The following ZNF804A variants were observed in gnomAD, a reference collection of about 807,000 sequenced individuals.
ZNF804A encodes zinc finger protein 804A.
Under a neutral mutation model 16.5 loss-of-function variants are expected in ZNF804A, and 2 were observed. That is an observed-to-expected ratio of 0.12 (90% CI 0.05 to 0.38). ZNF804A has a LOEUF of 0.38. ZNF804A is among the 10% of genes least tolerant of loss of function. ZNF804A has a pLI of 0.99. For synonymous variants in ZNF804A, 534 were observed against 489.6 expected, an observed-to-expected ratio of 1.09 and a Z score of -1.20; for missense variants, 1,473 against 1,390.7, an observed-to-expected ratio of 1.06 and a Z score of -0.94.
intron 1 of ZNF804A, among the ~76,000 whole-genome samples, chr2:184,847,455 T>C (rs1042940127): frequency 2.6e-5 from 4 of 152,024 alleles, no homozygotes; most frequent in Non-Finnish European, 5.9e-5. Flanking sequence ...AACCTGACCT[T>C]TCAGAGCAGA....
At chr2:184,887,351 G>A (rs1326558582) in intron 2 of ZNF804A, among the ~76,000 whole-genome samples, 1 of 152,202 alleles carries the variant, frequency 6.6e-6, no homozygotes, top group African/African-American at 2.4e-5. Context: ...CCTCAAGGAA[G>A]TTCCAAACTT....
chr2:184,929,809 C>T (rs997439137), intron 2 of ZNF804A, among the ~76,000 whole-genome samples: 1 of 152,098 alleles, frequency 6.6e-6, no homozygotes, highest in African/African-American at 2.4e-5. Context: ...ACACTCTCAT[C>T]CCCAACATCC....
intron 2 of ZNF804A, among the ~76,000 whole-genome samples, chr2:184,887,062 A>G (rs762767822): frequency 1.3e-5 from 2 of 152,204 alleles, no homozygotes; most frequent in Admixed American, 1.3e-4. Flanking sequence ...TGCTTCCCTT[A>G]TAAAACTTAA....
intron 1 of ZNF804A, among the ~76,000 whole-genome samples, chr2:184,819,817 G>C (rs570748981): frequency 6.6e-6 from 1 of 152,096 alleles, no homozygotes; most frequent in South Asian, 2.1e-4. Context: ...AGAAAATCTA[G>C]AAGAAATTGA....
intron 1 of ZNF804A, among the ~76,000 whole-genome samples, chr2:184,788,542 C>G (rs1026167914): frequency 1.3e-5 from 2 of 151,786 alleles, no homozygotes; most frequent in African/African-American, 4.8e-5. Context: ...TTGTAGATAT[C>G]GTTCATCTCC....
At chr2:184,628,140 C>A (rs1014684579) in intron 1 of ZNF804A, among the ~76,000 whole-genome samples, 4 of 152,062 alleles carry the variant, frequency 2.6e-5, no homozygotes, top group African/African-American at 7.2e-5. Flanking sequence ...CATGGAGAAA[C>A]CCTGTCTCTA....
chr2:184,765,095 A>G (rs768573262), intron 1 of ZNF804A, among the ~76,000 whole-genome samples: 23 of 152,178 alleles, frequency 1.5e-4, no homozygotes, highest in Non-Finnish European at 2.8e-4. Context: ...TTCAATCAGT[A>G]TATTTGTGTT....
chr2:184,843,909 C>T (rs1264926164), intron 1 of ZNF804A, among the ~76,000 whole-genome samples: 1 of 152,028 alleles, frequency 6.6e-6, no homozygotes, highest in Non-Finnish European at 1.5e-5. Flanking sequence ...GTAATATCTA[C>T]CATGTTTTTA....
At chr2:184,770,020 C>G (rs1219987495) in intron 1 of ZNF804A, among the ~76,000 whole-genome samples, 2 of 151,902 alleles carry the variant, frequency 1.3e-5, no homozygotes, top group Admixed American at 1.3e-4. Context: ...GAAAGATTGT[C>G]ATATTTTAAC....
At chr2:184,743,194 C>T (rs1693734592) in intron 1 of ZNF804A, among the ~76,000 whole-genome samples, 1 of 151,940 alleles carries the variant, frequency 6.6e-6, no homozygotes. Context: ...TCCAATCTTT[C>T]CTAGTGCAAT....
chr2:184,763,279 A>G (rs1694067442), intron 1 of ZNF804A, among the ~76,000 whole-genome samples: 1 of 152,178 alleles, frequency 6.6e-6, no homozygotes. Flanking sequence ...CCCTAATTCA[A>G]TATGACCAGC....
chr2:184,626,521 A>G (rs1257642307), intron 1 of ZNF804A, among the ~76,000 whole-genome samples: 1 of 152,154 alleles, frequency 6.6e-6, no homozygotes. Flanking sequence ...TTATATTATA[A>G]ATTATTATGA....
chr2:184,778,905 T>C (rs1441931046), intron 1 of ZNF804A, among the ~76,000 whole-genome samples: 2 of 151,700 alleles, frequency 1.3e-5, no homozygotes. Flanking sequence ...AGGAAATGAG[T>C]TAAATTTTCT....
chr2:184,926,082 A>G (rs1304367998), intron 2 of ZNF804A, among the ~76,000 whole-genome samples: 3 of 151,992 alleles, frequency 2.0e-5, no homozygotes, highest in Non-Finnish European at 4.4e-5. Context: ...CTGTGTACTT[A>G]CTATTACCAG....
At chr2:184,664,564 AT>A (rs1447401416) in intron 1 of ZNF804A, among the ~76,000 whole-genome samples, 1 of 152,160 alleles carries the variant, frequency 6.6e-6, no homozygotes, top group East Asian at 1.9e-4. Flanking sequence ...ATCTCATAAT[AT>A]GATTGATTAT....
chr2:184,850,853 T>C (rs1262555783), intron 1 of ZNF804A, among the ~76,000 whole-genome samples: 1 of 151,842 alleles, frequency 6.6e-6, no homozygotes, highest in Non-Finnish European at 1.5e-5. Flanking sequence ...GGGATATTTC[T>C]AGTAGAAATG....
At chr2:184,926,476 G>A (rs189001348) in intron 2 of ZNF804A, among the ~76,000 whole-genome samples, 7 of 152,012 alleles carry the variant, frequency 4.6e-5, no homozygotes, top group Admixed American at 3.9e-4. Context: ...AATGCCTTGA[G>A]GTAGTCTTCT....
rs1416058291 is a variant in ZNF804A, at chr2:184,600,399, G to GTGGTTGT, written c.111+1339_111+1345dup. On this transcript the variant is annotated intron_variant, in intron 1 of 3. Coordinates refer to ENST00000302277, the MANE Select transcript of ZNF804A (RefSeq NM_194250.2). ...TGTTTCTTTTATTGATTTTGTGGAT[G>GTGGTTGT]TGGTTGTTGGTTGTTGTTGAACAAA... is the stretch of plus-strand genomic sequence containing the variant. Among the ~76,000 whole-genome samples, 25 of 152,306 alleles carry GTGGTTGT rather than the reference G, an allele frequency of 1.6e-4. No individual in the cohort carries two copies. In the East Asian group the frequency reaches 4.4e-3, roughly 27 times the overall value.
intron 1 of ZNF804A, among the ~76,000 whole-genome samples, chr2:184,647,939 C>T (rs1040440117): frequency 1.3e-5 from 2 of 152,098 alleles, no homozygotes; most frequent in Non-Finnish European, 1.5e-5. Context: ...AGTCATCAAA[C>T]ATTCTAAAGT....
Sources: gnomAD v4.1 joint callset for allele counts (sites outside exome capture counted in the v4.1 genomes callset) on GRCh38, gnomAD v4.1.1 for gene constraint, MANE v1.5 for transcripts, NCBI Gene and HGNC (gene_info 2026-07-23, HGNC 2026-07-21) for gene names.